FOXP2: variants seen among roughly 807,000 people sequenced by gnomAD.
FOXP2 encodes forkhead box P2.
A neutral mutation model predicts 115.8 loss-of-function variants in FOXP2; 12 were observed. The observed-to-expected ratio is 0.10, with a 90% CI of 0.07 to 0.17. The LOEUF (loss-of-function observed/expected upper bound fraction) is 0.17, where lower values mean the gene tolerates loss of function less well. Ranked by LOEUF, FOXP2 falls within the 10% of genes least tolerant of loss-of-function variation. The pLI, the probability that FOXP2 is intolerant of heterozygous loss-of-function variation, is 1.00. For missense variants in FOXP2, 629 were observed against 843.5 expected, an observed-to-expected ratio of 0.75 and a Z score of 3.15; for synonymous variants, 328 against 297.7, an observed-to-expected ratio of 1.10 and a Z score of -1.05.
intron 6 of FOXP2, among the ~76,000 whole-genome samples, chr7:114,642,071 G>T (rs1805565842): frequency 6.6e-6 from 1 of 152,030 alleles, no homozygotes; most frequent in Non-Finnish European, 1.5e-5. Context: ...CTCCCAGAGT[G>T]CTGGGATTAC....
At chr7:114,196,253 G>A (rs779173292) in intron 1 of FOXP2, among the ~76,000 whole-genome samples, 7 of 151,762 alleles carry the variant, frequency 4.6e-5, no homozygotes, top group South Asian at 2.1e-4. Context: ...CTCGTGATTT[G>A]CCCACCTCGG....
chr7:114,480,380 C>G (rs1412824214), intron 2 of FOXP2, among the ~76,000 whole-genome samples: 1 of 151,302 alleles, frequency 6.6e-6, no homozygotes, highest in Non-Finnish European at 1.5e-5. Context: ...TCTAGAAAAG[C>G]AACAAGTCCA....
intron 6 of FOXP2, among the ~76,000 whole-genome samples, chr7:114,641,752 A>C (rs1805543004): frequency 6.6e-6 from 1 of 151,814 alleles, no homozygotes; most frequent in South Asian, 2.1e-4. Context: ...CTACTCTTAA[A>C]AGTTGAATAG....
chr7:114,509,795 A>T (rs1165113672), intron 2 of FOXP2, among the ~76,000 whole-genome samples: 1 of 151,998 alleles, frequency 6.6e-6, no homozygotes, highest in African/African-American at 2.4e-5. Context: ...GAGACATGGG[A>T]ACTGTAGATA....
intron 1 of FOXP2, among the ~76,000 whole-genome samples, chr7:114,130,303 A>AC (rs1260982041): frequency 6.6e-6 from 1 of 152,238 alleles, no homozygotes; most frequent in African/African-American, 2.4e-5. Flanking sequence ...AGCCTCAGCG[A>AC]CCAAAAAGGA....
At chr7:114,674,410 G>A (rs963533857) in intron 16 of FOXP2, among the ~76,000 whole-genome samples, 1 of 152,076 alleles carries the variant, frequency 6.6e-6, no homozygotes, top group Non-Finnish European at 1.5e-5. Context: ...ATTTCTTTAA[G>A]AAGGAATATT....
chr7:114,635,223 T>C (rs1470183084), intron 6 of FOXP2, among the ~76,000 whole-genome samples: 1 of 152,220 alleles, frequency 6.6e-6, no homozygotes, highest in Admixed American at 6.5e-5. Flanking sequence ...GGCTTTGGCT[T>C]CATTCTATGC....
At chr7:114,450,249 G>T (rs951989890) in intron 2 of FOXP2, among the ~76,000 whole-genome samples, 2 of 152,022 alleles carry the variant, frequency 1.3e-5, no homozygotes, top group Non-Finnish European at 2.9e-5. Flanking sequence ...ATTAAAATGG[G>T]CTTGGCTTAC....
intron 3 of FOXP2, among the ~76,000 whole-genome samples, chr7:114,601,217 C>T (rs891315223): frequency 8.5e-5 from 13 of 152,258 alleles, no homozygotes; most frequent in African/African-American, 2.4e-4. Flanking sequence ...CCTCCCACCT[C>T]GGCCTCCCAA....
chr7:114,526,647 A>G (rs555686649), intron 2 of FOXP2, among the ~76,000 whole-genome samples: 24 of 152,232 alleles, frequency 1.6e-4, no homozygotes, highest in South Asian at 1.2e-3. Flanking sequence ...TCAGTACCCT[A>G]TAGGAACTGA....
chr7:114,342,113 G>A (rs1474355856), intron 2 of FOXP2, among the ~76,000 whole-genome samples: 1 of 151,294 alleles, frequency 6.6e-6, no homozygotes, highest in African/African-American at 2.4e-5. Flanking sequence ...GTTTTTTAAG[G>A]TGTTATTGCT....
At chr7:114,289,541 A>G (rs1299443932) in intron 2 of FOXP2, among the ~76,000 whole-genome samples, 1 of 151,826 alleles carries the variant, frequency 6.6e-6, no homozygotes, top group Non-Finnish European at 1.5e-5. Flanking sequence ...GAGTAACAGG[A>G]TGTTTATTTG....
intron 2 of FOXP2, among the ~76,000 whole-genome samples, chr7:114,444,580 G>T (rs1035541657): frequency 6.6e-6 from 1 of 152,082 alleles, no homozygotes; most frequent in South Asian, 2.1e-4. Flanking sequence ...TTTTCCAAAA[G>T]AATTACTGTT....
chr7:114,098,814 A>T (rs1377121130), intron 1 of FOXP2, among the ~76,000 whole-genome samples: 2 of 152,188 alleles, frequency 1.3e-5, no homozygotes, highest in African/African-American at 4.8e-5. Context: ...TATCTCTGGT[A>T]AAAGGTTAAT....
chr7:114,489,294 G>GT (rs911719911), intron 2 of FOXP2, among the ~76,000 whole-genome samples: 11 of 151,852 alleles, frequency 7.2e-5, no homozygotes, highest in African/African-American at 2.7e-4. Flanking sequence ...TATAAGTTGG[G>GT]TTTTTTTGAA....
At chr7:114,406,514 AT>A (rs1205285009) in intron 2 of FOXP2, among the ~76,000 whole-genome samples, 1 of 151,996 alleles carries the variant, frequency 6.6e-6, no homozygotes, top group Non-Finnish European at 1.5e-5. Flanking sequence ...TCAGATATCC[AT>A]TATACATGAC....
intron 1 of FOXP2, among the ~76,000 whole-genome samples, chr7:114,239,854 G>GCA (rs145516559): frequency 7.9e-5 from 12 of 151,624 alleles, no homozygotes; most frequent in Admixed American, 5.3e-4. Context: ...ACACAAACAT[G>GCA]CACACACACA....
At chr7:114,450,369 C>G (rs1795020605) in intron 2 of FOXP2, among the ~76,000 whole-genome samples, 1 of 151,984 alleles carries the variant, frequency 6.6e-6, no homozygotes, top group Non-Finnish European at 1.5e-5. Context: ...TCAGGCCTGC[C>G]ACATTAGTAT....
chr7:114,544,271 G>T (rs995366540), intron 3 of FOXP2, among the ~76,000 whole-genome samples: 2 of 152,024 alleles, frequency 1.3e-5, no homozygotes, highest in East Asian at 3.9e-4. Context: ...TTCCTAGTTT[G>T]GTTCAGGGAT....
Sources: allele counts gnomAD v4.1 joint callset (sites outside exome capture counted in the v4.1 genomes callset), GRCh38; gene constraint gnomAD v4.1.1; transcripts MANE v1.5; gene names NCBI Gene and HGNC (gene_info 2026-07-23, HGNC 2026-07-21).